Variants in ALK observed in about 807,000 individuals in gnomAD.
ALK encodes the protein ALK receptor tyrosine kinase.
In ALK, 74 loss-of-function variants were observed where a neutral mutation model predicts 163.1. The ratio of observed to expected loss-of-function variants is 0.45; its 90% confidence interval spans 0.38 to 0.55. ALK has a LOEUF of 0.55. ALK is among the 20% of genes least tolerant of loss of function. ALK has a pLI of 0.00. For missense variants in ALK, 2,063 were observed against 2,105.3 expected, an observed-to-expected ratio of 0.98 and a Z score of 0.39; for synonymous variants, 960 against 843.2, an observed-to-expected ratio of 1.14 and a Z score of -2.40.
chr2:29,919,621 T>A lies in ALK; in HGVS notation c.667+372A>T, dbSNP rs569021459. Among the ~76,000 whole-genome samples, 109 of 152,178 alleles carry A rather than the reference T, an allele frequency of 7.2e-4. 1 individual carries two copies. The highest frequency in any genetic ancestry group is 2.6e-3 in the African/African-American group (107 of 41,514). ...AACAAGAGGGAGAGAAGGGCAATAG[T>A]TTTGACATCTACTACTAAGCTTGGA... On this transcript the variant is annotated intron_variant, in intron 1 of 28. Coordinates refer to ENST00000389048, the MANE Select transcript of ALK (RefSeq NM_004304.5).
At chr2:29,747,309 A>G (rs921037245) in intron 1 of ALK, among the ~76,000 whole-genome samples, 2 of 152,242 alleles carry the variant, frequency 1.3e-5, no homozygotes, top group Non-Finnish European at 2.9e-5. Context: ...GCTCTTAAGA[A>G]AGATCATTTT....
intron 1 of ALK, among the ~76,000 whole-genome samples, chr2:29,740,412 A>G (rs1680020469): frequency 6.6e-6 from 1 of 152,186 alleles, no homozygotes; most frequent in Non-Finnish European, 1.5e-5. Context: ...AAAGACAGAC[A>G]TGAGGACAGT....
intron 24 of ALK, 132 bp from the exon 25 acceptor site, chr2:29,210,010 G>T: frequency 1.4e-6 from 1 of 725,728 alleles, no homozygotes; most frequent in Non-Finnish European, 2.4e-6. Context: ...CTTTAGTATA[G>T]TATACTTCAG....
At chr2:29,455,624 G>A (rs1010822309) in intron 4 of ALK, among the ~76,000 whole-genome samples, 1 of 152,084 alleles carries the variant, frequency 6.6e-6, no homozygotes, top group Non-Finnish European at 1.5e-5. Flanking sequence ...GATCTAATTG[G>A]CTGCAGAAGG....
At chr2:29,600,333 C>T (rs1480526792) in intron 3 of ALK, among the ~76,000 whole-genome samples, 1 of 152,046 alleles carries the variant, frequency 6.6e-6, no homozygotes, top group African/African-American at 2.4e-5. Context: ...GGCTCTTAAA[C>T]AAGTATCTTT....
chr2:29,371,444 C>G, intron 5 of ALK, among the ~76,000 whole-genome samples: 1 of 152,206 alleles, frequency 6.6e-6, no homozygotes, highest in Middle Eastern at 3.2e-3. Flanking sequence ...GTGAGGAGCT[C>G]TGTCCAGGGG....
At chr2:29,753,302 G>A (rs1680426237) in intron 1 of ALK, among the ~76,000 whole-genome samples, 1 of 152,166 alleles carries the variant, frequency 6.6e-6, no homozygotes, top group Admixed American at 6.6e-5. Context: ...AGGAACCAGA[G>A]TGCTTGAAGA....
chr2:29,192,972 T>G lies in ALK; in HGVS notation c.*252A>C. Reference sequence around the variant, plus strand: ...ACAACAAACATGCATAAAAACCTTATGCAACCACATCTGGGCCTTGTATTT... The same window carrying G: ...ACAACAAACATGCATAAAAACCTTAGGCAACCACATCTGGGCCTTGTATTT... On this transcript the variant is annotated 3_prime_UTR_variant, in exon 29 of 29. Coordinates refer to ENST00000389048, the MANE Select transcript of ALK (RefSeq NM_004304.5). 1 of 519,776 alleles carries G rather than the reference T, an allele frequency of 1.9e-6. No homozygotes were observed. The highest frequency in any genetic ancestry group is 3.5e-6 in the Non-Finnish European group (1 of 287,756). The allele number at this position is 519,776 out of a possible 1,614,324, so 32.2% of individuals were successfully genotyped here. A position where few individuals can be genotyped will look rare whatever the true frequency, so the allele number is the denominator to read the frequency against.
chr2:29,889,923 C>G (rs1667102924), intron 1 of ALK, among the ~76,000 whole-genome samples: 1 of 152,098 alleles, frequency 6.6e-6, no homozygotes, highest in Admixed American at 6.6e-5. Context: ...CTTGTGAAAG[C>G]AAGCTGAAAA....
Position 29,602,780 on chromosome 2 carries a change from G to A in ALK, c.953-70664C>T, listed in dbSNP as rs116652328. On this transcript the variant is annotated intron_variant, in intron 3 of 28. Transcript: ENST00000389048. Reference sequence around the variant, plus strand: ...AATAGAGGCTACCACATTTGGAGGTGAGTTTGTTGATGAAAAAGCCAAGTT... The same window carrying A: ...AATAGAGGCTACCACATTTGGAGGTAAGTTTGTTGATGAAAAAGCCAAGTT... Among the ~76,000 whole-genome samples, 1,060 of 152,310 alleles carry A rather than the reference G, an allele frequency of 7.0e-3. 10 individuals are homozygous for A. The highest frequency in any genetic ancestry group is 0.024 in the African/African-American group (1,006 of 41,554).
intron 1 of ALK, among the ~76,000 whole-genome samples, chr2:29,782,639 T>C (rs963212588): frequency 3.3e-5 from 5 of 152,136 alleles, no homozygotes; most frequent in African/African-American, 2.4e-5. Context: ...TCCCAGGGAA[T>C]ACCTTTAGGA....
At chr2:29,248,340 G>A (rs1164552123) in intron 12 of ALK, among the ~76,000 whole-genome samples, 1 of 152,106 alleles carries the variant, frequency 6.6e-6, no homozygotes, top group Non-Finnish European at 1.5e-5. Context: ...GCTCATGCCT[G>A]TAATTGCAGC....
chr2:29,376,906 T>C (rs569932857), intron 5 of ALK, among the ~76,000 whole-genome samples: 1 of 152,304 alleles, frequency 6.6e-6, no homozygotes, highest in East Asian at 1.9e-4. Context: ...TGCCCAACAT[T>C]GTCTTTGGTG....
chr2:29,764,754 T>C (rs1680808877), intron 1 of ALK, among the ~76,000 whole-genome samples: 1 of 152,236 alleles, frequency 6.6e-6, no homozygotes, highest in African/African-American at 2.4e-5. Context: ...AAGGTTGCTA[T>C]ATCATGTTAA....
intron 26 of ALK, among the ~76,000 whole-genome samples, chr2:29,202,637 G>A (rs926031561): frequency 1.3e-5 from 2 of 152,216 alleles, no homozygotes; most frequent in Non-Finnish European, 1.5e-5. Context: ...ATACATAAAT[G>A]ATATCCTACT....
chr2:29,509,455 C>G (rs1330029214), intron 4 of ALK, among the ~76,000 whole-genome samples: 1 of 152,142 alleles, frequency 6.6e-6, no homozygotes, highest in Non-Finnish European at 1.5e-5. Context: ...TCAGTCCCTC[C>G]TTCTCTCATG....
chr2:29,475,133 C>T (rs1381791575), intron 4 of ALK, among the ~76,000 whole-genome samples: 3 of 152,150 alleles, frequency 2.0e-5, no homozygotes, highest in African/African-American at 7.2e-5. Flanking sequence ...CATCAGACAA[C>T]TCGAGAGGGC....
intron 1 of ALK, among the ~76,000 whole-genome samples, chr2:29,807,528 G>T (rs1016608747): frequency 6.6e-6 from 1 of 152,196 alleles, no homozygotes; most frequent in Non-Finnish European, 1.5e-5. Context: ...TCCAGGCTCT[G>T]ATGATTTGCT....
chr2:29,227,485 C>A lies in ALK; in HGVS notation c.2914+89G>T. 8.5e-7 allele frequency: 1 copy of A among 1,171,604 alleles called. No homozygotes were observed. Among genetic ancestry groups the A allele is most frequent in the Non-Finnish European group, 1.3e-6 (1 of 776,442 alleles). The allele number at this position is 1,171,604 out of a possible 1,614,324, so 72.6% of individuals were successfully genotyped here. ...GGGACCCATAATTGTGCCTCTGTATCCTGGATACAGGTCAGAGACTCTGAG... is the reference window on the plus strand; with the variant it reads ...GGGACCCATAATTGTGCCTCTGTATACTGGATACAGGTCAGAGACTCTGAG... On this transcript the variant is annotated intron_variant, in intron 17 of 28. Transcript: ENST00000389048. The surrounding 1 kb of genome is among the most constrained non-coding windows in gnomAD (Gnocchi z 4.4).
Sources: allele counts gnomAD v4.1 joint callset (sites outside exome capture counted in the v4.1 genomes callset), GRCh38; gene constraint gnomAD v4.1.1; non-coding constraint Gnocchi (gnomAD v3.1); transcripts MANE v1.5; gene names NCBI Gene and HGNC (gene_info 2026-07-23, HGNC 2026-07-21).